MTFR1: variants seen among roughly 807,000 people sequenced by gnomAD.
MTFR1 encodes chondrocyte protein with a poly-proline region.
Under a neutral mutation model 38.8 loss-of-function variants are expected in MTFR1, and 28 were observed. That is an observed-to-expected ratio of 0.72 (90% CI 0.53 to 0.99). The LOEUF is 0.99. Among genes scored for constraint, MTFR1 ranks in the 50% least tolerant of loss-of-function variants. MTFR1 has a pLI of 0.00. For synonymous variants in MTFR1, 145 were observed against 137.0 expected (o/e 1.06, Z -0.41); for missense variants, 358 against 395.5 (o/e 0.91, Z 0.81).
chr8:65,714,677 T>G (rs1171946140), downstream of MTFR1: 1 of 152,224 alleles, frequency 6.6e-6, no homozygotes, highest in Non-Finnish European at 1.5e-5. Context: ...AGATACCGAT[T>G]GAGGGGATTT....
At chr8:65,685,388 G>A (rs867138240) in intron 3 of MTFR1, among the ~76,000 whole-genome samples, 1 of 152,184 alleles carries the variant, frequency 6.6e-6, no homozygotes, top group Non-Finnish European at 1.5e-5. Flanking sequence ...AACCTGGGTT[G>A]GGAACTTGGC....
chr8:65,672,312 G>A (rs1288680936), intron 2 of MTFR1, among the ~76,000 whole-genome samples: 2 of 152,122 alleles, frequency 1.3e-5, no homozygotes, highest in Non-Finnish European at 2.9e-5. Context: ...TTTTTAGCTT[G>A]TTGCCTAAGA....
Position 65,662,223 on chromosome 8 carries a change from G to A in MTFR1, c.-80-7650G>A, listed in dbSNP as rs571719683. Among the ~76,000 whole-genome samples, 489 of 152,038 alleles carry A rather than the reference G, an allele frequency of 3.2e-3. 1 individual carries two copies. Among genetic ancestry groups the A allele is most frequent in the Non-Finnish European group, 5.3e-3 (359 of 67,936 alleles). On this transcript the variant is annotated intron_variant, in intron 1 of 7. Coordinates refer to ENST00000262146, the MANE Select transcript of MTFR1 (RefSeq NM_014637.4). ...CCTGATTCTCCTGCCTCAGCCTGCC[G>A]AGTGCCTGCGATTGCAGGCGCGCGC...
intron 7 of MTFR1, 86 bp from the exon 8 acceptor site, chr8:65,708,890 C>T (rs1405889195): frequency 1.7e-5 from 22 of 1,315,628 alleles, no homozygotes; most frequent in Non-Finnish European, 2.3e-5. Context: ...CATACCCAGC[C>T]CTCTAATCCA....
At chr8:65,769,605 T>C (rs1273798633) in intron 3 of MTFR1, among the ~76,000 whole-genome samples, 5 of 152,176 alleles carry the variant, frequency 3.3e-5, no homozygotes, top group Admixed American at 3.3e-4. Flanking sequence ...TTAACAAATA[T>C]GTGATCTAGA....
intron 3 of MTFR1, among the ~76,000 whole-genome samples, chr8:65,744,084 T>G (rs1807562281): frequency 6.6e-6 from 1 of 152,156 alleles, no homozygotes; most frequent in African/African-American, 2.4e-5. Flanking sequence ...CCACCAGCCT[T>G]GGCCTGCCAA....
intron 3 of MTFR1, among the ~76,000 whole-genome samples, chr8:65,750,921 A>G (rs1158804140): frequency 1.3e-5 from 2 of 152,236 alleles, no homozygotes; most frequent in Non-Finnish European, 2.9e-5. Flanking sequence ...TCACAAGGAA[A>G]TGATCACTCA....
chr8:65,719,185 C>T, intron 2 of MTFR1: 2 of 735,740 alleles, frequency 2.7e-6, no homozygotes, highest in South Asian at 1.6e-5. Context: ...TGGCATCACT[C>T]ACTTGGAAAC....
chr8:65,724,679 T>C (rs570490983), intron 3 of MTFR1: 3 of 1,074,508 alleles, frequency 2.8e-6, no homozygotes, highest in East Asian at 4.9e-5. Flanking sequence ...GCCCTCAAGA[T>C]TTAACCATTC....
intron 5 of MTFR1, among the ~76,000 whole-genome samples, chr8:65,705,546 G>A (rs1383524446): frequency 6.6e-6 from 1 of 152,144 alleles, no homozygotes; most frequent in Non-Finnish European, 1.5e-5. Context: ...CTAGGATAAT[G>A]GCACCAACCA....
chr8:65,660,820 A>G (rs1809393055), intron 1 of MTFR1, among the ~76,000 whole-genome samples: 1 of 152,242 alleles, frequency 6.6e-6, no homozygotes, highest in African/African-American at 2.4e-5. Context: ...GAAGCAATCA[A>G]GGTGTTCTCC....
intron 3 of MTFR1, among the ~76,000 whole-genome samples, chr8:65,750,467 A>G (rs148206446): frequency 7.2e-6 from 1 of 137,940 alleles, no homozygotes; most frequent in African/African-American, 2.8e-5. Flanking sequence ...TATGTAAATT[A>G]GAATCACTGT....
At chr8:65,762,983 T>C (rs1585889315) in intron 3 of MTFR1, among the ~76,000 whole-genome samples, 1 of 144,712 alleles carries the variant, frequency 6.9e-6, no homozygotes, top group African/African-American at 2.6e-5. Flanking sequence ...TATATTTATA[T>C]AAAAACAATG....
chr8:65,710,768 CA>C, downstream of MTFR1, among the ~76,000 whole-genome samples: 1 of 152,224 alleles, frequency 6.6e-6, no homozygotes, highest in East Asian at 1.9e-4. Context: ...ACAGTTGACT[CA>C]GGGTTCTCAA....
At chr8:65,758,680 A>C (rs572743141) in intron 3 of MTFR1, among the ~76,000 whole-genome samples, 2 of 152,230 alleles carry the variant, frequency 1.3e-5, no homozygotes, top group Non-Finnish European at 2.9e-5. Context: ...TGAAGAGGTT[A>C]TCTCTCTGCC....
chr8:65,708,094 CTG>C, intron 7 of MTFR1, 83 bp downstream of exon 7: 1 of 1,603,352 alleles, frequency 6.2e-7, no homozygotes, highest in Non-Finnish European at 8.5e-7. Flanking sequence ...AGTGATTCAC[CTG>C]TGTCATCTGT....
At chr8:65,740,332 T>G (rs1437886073) in intron 3 of MTFR1, among the ~76,000 whole-genome samples, 1 of 152,166 alleles carries the variant, frequency 6.6e-6, no homozygotes, top group African/African-American at 2.4e-5. Context: ...TTCAACATAC[T>G]TAGTTCCCAT....
intron 2 of MTFR1, among the ~76,000 whole-genome samples, chr8:65,680,580 G>A (rs1804849783): frequency 6.6e-6 from 1 of 152,122 alleles, no homozygotes; most frequent in South Asian, 2.1e-4. Context: ...TTATCTAAGG[G>A]TCTAGTTTGA....
chr8:65,677,621 C>T (rs1804752298), intron 2 of MTFR1, among the ~76,000 whole-genome samples: 1 of 151,084 alleles, frequency 6.6e-6, no homozygotes, highest in Non-Finnish European at 1.5e-5. Flanking sequence ...AGCTCGTGAC[C>T]CGCCCACCTC....
Sources: allele counts gnomAD v4.1 joint callset (sites outside exome capture counted in the v4.1 genomes callset), GRCh38; gene constraint gnomAD v4.1.1; transcripts MANE v1.5; gene names NCBI Gene and HGNC (gene_info 2026-07-23, HGNC 2026-07-21).